Variants in ZNF141 observed in about 807,000 individuals in gnomAD.
ZNF141 encodes the protein zinc finger protein 141 (clone pHZ-44).
In ZNF141, 7 loss-of-function variants were observed where a neutral mutation model predicts 11.3. The observed-to-expected ratio is 0.62, with a 90% CI of 0.35 to 1.16. ZNF141 has a LOEUF of 1.16. ZNF141 is among the 50% of genes most tolerant of loss of function. The pLI is 0.02. For missense variants in ZNF141, 535 were observed against 554.0 expected (o/e 0.97, Z 0.34); for synonymous variants, 183 against 190.7 (o/e 0.96, Z 0.33).
intron 3 of ZNF141, among the ~76,000 whole-genome samples, chr4:358,901 C>A (rs536987077): frequency 1.3e-5 from 2 of 152,202 alleles, no homozygotes; most frequent in Admixed American, 6.5e-5. Flanking sequence ...AAGATAATTA[C>A]TTTGAATTCT....
rs1288234384 is a variant in ZNF141, at chr4:380,883, G to T, written c.*7021G>T. Among the ~76,000 whole-genome samples, 1 of 152,028 alleles carries T rather than the reference G, an allele frequency of 6.6e-6. No homozygotes were observed. The highest frequency in any genetic ancestry group is 1.5e-5 in the Non-Finnish European group (1 of 68,018). ...AATTTAACAAAAATTGTTAAATGTT[G>T]TCATATATGTGTGTGCAAAACGTAT... On this transcript the variant is annotated 3_prime_UTR_variant, in exon 4 of 4. Transcript: ENST00000240499.
At position 383,968 on chromosome 4, in the gene ZNF141, G is replaced by C. The variant is rs1349884286; in HGVS notation, c.*10106G>C. 2 of 152,274 alleles carry C rather than the reference G, an allele frequency of 1.3e-5. No individual in the cohort carries two copies. Among genetic ancestry groups the C allele is most frequent in the African/African-American group, 4.8e-5 (2 of 41,452 alleles). 9.4% of individuals were successfully genotyped at this position (152,274 alleles called of 1,614,324 possible). ...CTCACTTTAATAAAATCTTGCTTTT[G>C]CTATTCCCTTCCTGTTTTTCATTCC... On this transcript the variant is annotated 3_prime_UTR_variant, in exon 4 of 4. Transcript: ENST00000240499.
At chr4:370,792 A>G (rs1477183810) in intron 3 of ZNF141, among the ~76,000 whole-genome samples, 1 of 151,862 alleles carries the variant, frequency 6.6e-6, no homozygotes, top group Non-Finnish European at 1.5e-5. Context: ...ATGCAGTGGC[A>G]CAATCTTGGC....
intron 3 of ZNF141, among the ~76,000 whole-genome samples, chr4:369,762 ATATTT>A (rs1485100625): frequency 2.4e-4 from 8 of 33,504 alleles, no homozygotes; most frequent in South Asian, 2.0e-3. Context: ...ATATATATAT[ATATTT>A]TTTTTTTTTT....
At chr4:347,092 C>T (rs1721365323) in intron 3 of ZNF141, among the ~76,000 whole-genome samples, 2 of 147,930 alleles carry the variant, frequency 1.4e-5, no homozygotes, top group Non-Finnish European at 3.0e-5. Context: ...GGCTGGAGTG[C>T]AGTGGCACGC....
At chr4:340,586 A>G (rs569604428) in intron 1 of ZNF141, among the ~76,000 whole-genome samples, 3 of 152,226 alleles carry the variant, frequency 2.0e-5, no homozygotes, top group Non-Finnish European at 4.4e-5. Flanking sequence ...TTAAATGTGC[A>G]GTTCCAAATT....
At position 373,786 on chromosome 4, in the gene ZNF141, C is replaced by G; in HGVS notation, c.1349C>G (p.Pro450Arg). 1 of 1,614,022 alleles carries G rather than the reference C, an allele frequency of 6.2e-7. No homozygotes were observed. Among genetic ancestry groups the G allele is most frequent in the Admixed American group, 1.7e-5 (1 of 60,012 alleles). ...AAGAAAATTCATACTGTAGATAAAC[C>G]CTACAAATGTAAAGATTGTGACAAA... ...QHKKIHTVDKPYKCKDCDKAF... is the reference protein window; with the variant it reads ...QHKKIHTVDKRYKCKDCDKAF... The change falls in exon 4 of 4, where the codon CCC (proline) becomes CGC (arginine). Residue 450 changes from proline (P) to arginine (R), a missense_variant. Physicochemically the swap from Pro to Arg is moderately radical, Grantham distance 103. Coordinates refer to ENST00000240499, the MANE Select transcript of ZNF141 (RefSeq NM_003441.4).
chr4:375,049 C>T lies in ZNF141; in HGVS notation c.*1187C>T, dbSNP rs1056543723. 2 of 152,024 alleles carry T rather than the reference C, an allele frequency of 1.3e-5. No homozygotes were observed. Among genetic ancestry groups the T allele is most frequent in the Non-Finnish European group, 2.9e-5 (2 of 67,978 alleles). 9.4% of individuals were successfully genotyped at this position (152,024 alleles called of 1,614,324 possible). ...TGCAAAAAATGTGGCAGGATTTTTACCAATGCTCATCTTTTTGCACATGAT... is the reference window on the plus strand; with the variant it reads ...TGCAAAAAATGTGGCAGGATTTTTATCAATGCTCATCTTTTTGCACATGAT... On this transcript the variant is annotated 3_prime_UTR_variant, in exon 4 of 4. Coordinates refer to ENST00000240499, the MANE Select transcript of ZNF141 (RefSeq NM_003441.4).
rs1712745400 is a variant in ZNF141, at chr4:383,263, A to G, written c.*9401A>G. On this transcript the variant is annotated 3_prime_UTR_variant, in exon 4 of 4. Coordinates refer to ENST00000240499, the MANE Select transcript of ZNF141 (RefSeq NM_003441.4). ...GAAGGAGCCAAACTGAGCCCAGAAG[A>G]ATGGCCCGGCTGAGCCCAGCCTAAA... is the stretch of plus-strand genomic sequence containing the variant. The G allele has an allele frequency of 1.5e-6, 1 of 647,762 alleles. No homozygotes were observed. The highest frequency in any genetic ancestry group is 2.7e-5 in the East Asian group (1 of 36,678). The allele number at this position is 647,762 out of a possible 1,614,324, so 40.1% of individuals were successfully genotyped here. A position where few individuals can be genotyped will look rare whatever the true frequency, so the allele number is the denominator to read the frequency against.
chr4:376,168 A>G lies in ZNF141; in HGVS notation c.*2306A>G, dbSNP rs1355479168. On this transcript the variant is annotated 3_prime_UTR_variant, in exon 4 of 4. Coordinates refer to ENST00000240499, the MANE Select transcript of ZNF141 (RefSeq NM_003441.4). ...TATGCCACCAACTTAAACCTATCCC[A>G]CCTTACTCAATGGTGTAGGTAAAAG... 1.3e-5 allele frequency among the ~76,000 whole-genome samples: 2 copies of G among 152,044 alleles called. No individual in the cohort carries two copies. Among genetic ancestry groups the G allele is most frequent in the Non-Finnish European group, 2.9e-5 (2 of 67,910 alleles).
chr4:364,373 G>T (rs189694181), intron 3 of ZNF141, among the ~76,000 whole-genome samples: 1,987 of 152,270 alleles, frequency 0.013, 36 homozygotes, highest in Middle Eastern at 0.058. Context: ...TTCAGAGCCT[G>T]TTATTGGTCT....
At chr4:364,875 A>AG (rs35953653) in intron 3 of ZNF141, among the ~76,000 whole-genome samples, 65,079 of 152,080 alleles carry the variant, frequency 0.43, 14,452 homozygotes, top group African/African-American at 0.55. Flanking sequence ...GCCATCATAC[A>AG]GGACGATTAA....
intron 3 of ZNF141, among the ~76,000 whole-genome samples, chr4:362,500 T>G (rs190763136): frequency 6.6e-6 from 1 of 152,362 alleles, no homozygotes; most frequent in Admixed American, 6.5e-5. Context: ...TCTAGGGTTT[T>G]TATGGTTATA....
In ZNF141 at chr4:353,284, G is replaced by A. The variant is rs190572996; in HGVS notation, c.226+8854G>A. 2.9e-4 allele frequency among the ~76,000 whole-genome samples: 44 copies of A among 151,310 alleles called. 1 individual carries two copies. Among genetic ancestry groups the A allele is most frequent in the African/African-American group, 1.0e-3 (43 of 41,230 alleles). On this transcript the variant is annotated intron_variant, in intron 3 of 3. Coordinates refer to ENST00000240499, the MANE Select transcript of ZNF141 (RefSeq NM_003441.4). The stretch of plus-strand genomic sequence containing the variant: ...AGCTACTTGGGGGACTGAGTCTGGA[G>A]GATTGCTTGAACCCTCAGAGGTCAA...
intron 3 of ZNF141, chr4:358,202 TTA>T (rs1553851523): frequency 4.7e-5 from 19 of 404,570 alleles, no homozygotes; most frequent in Admixed American, 1.6e-4. Context: ...TTTTTTTTTT[TTA>T]AAGATGGAGT....
intron 3 of ZNF141, among the ~76,000 whole-genome samples, chr4:363,672 G>C (rs1711588529): frequency 6.6e-6 from 1 of 151,880 alleles, no homozygotes; most frequent in South Asian, 2.1e-4. Context: ...GCAGGAGAAT[G>C]GCATGAACCC....
rs1553855728 is a variant in ZNF141 at position 381,848 on chromosome 4, G to A, written c.*7986G>A. ...TATCCACCTACCACAGAAAGTAGCT[G>A]TAGTTCATTGCTGGGGCCACCAGAA... On this transcript the variant is annotated 3_prime_UTR_variant, in exon 4 of 4. Transcript: ENST00000240499. Among the ~76,000 whole-genome samples the A allele has an allele frequency of 6.6e-6, 1 of 151,754 alleles. No homozygotes were observed. The highest frequency in any genetic ancestry group is 1.5e-5 in the Non-Finnish European group (1 of 68,002).
chr4:374,636 T>C lies in ZNF141; in HGVS notation c.*774T>C, dbSNP rs1712273286. Reference sequence around the variant, plus strand: ...AGAAGATTCATTCCACAAACTTACATTGAGAAGATATGAAAGATGAATATA... The same window carrying C: ...AGAAGATTCATTCCACAAACTTACACTGAGAAGATATGAAAGATGAATATA... On this transcript the variant is annotated 3_prime_UTR_variant, in exon 4 of 4. Transcript: ENST00000240499. 6.6e-6 allele frequency: 1 copy of C among 152,294 alleles called. No homozygotes were observed. The highest frequency in any genetic ancestry group is 2.5e-5 in the African/African-American group (1 of 39,348). 9.4% of individuals were successfully genotyped at this position (152,294 alleles called of 1,614,324 possible).
In ZNF141 at chr4:381,376, TATTTA is replaced by T. The variant is rs1194375729; in HGVS notation, c.*7517_*7521del. On this transcript the variant is annotated 3_prime_UTR_variant, in exon 4 of 4. Coordinates refer to ENST00000240499, the MANE Select transcript of ZNF141 (RefSeq NM_003441.4). ...AACTAAGAAAGAACCAAAAAGTTAC[TATTTA>T]ATACAGACTTCAAATGTGCTTTTTT... Among the ~76,000 whole-genome samples the T allele has an allele frequency of 6.0e-5, 9 of 150,586 alleles. No individual in the cohort carries two copies. Among genetic ancestry groups the T allele is most frequent in the Non-Finnish European group, 1.2e-4 (8 of 67,738 alleles).
Sources: gnomAD v4.1 joint callset for allele counts (sites outside exome capture counted in the v4.1 genomes callset) on GRCh38, gnomAD v4.1.1 for gene constraint, MANE v1.5 for transcripts, NCBI Gene and HGNC (gene_info 2026-07-23, HGNC 2026-07-21) for gene names.